Variants in TUFT1 observed in about 807,000 individuals in gnomAD.
The protein encoded by TUFT1 is tuftelin 1, also known as tuftelin.
A neutral mutation model predicts 57.8 loss-of-function variants in TUFT1; 43 were observed. The observed-to-expected ratio is 0.74, with a 90% confidence interval of 0.58 to 0.96. TUFT1 has a LOEUF of 0.96. Ranked by LOEUF, TUFT1 falls within the 40% of genes least tolerant of loss-of-function variation. The pLI is 0.00. For synonymous variants in TUFT1, 166 were observed against 176.7 expected (o/e 0.94, Z 0.48); for missense variants, 459 against 489.0 (o/e 0.94, Z 0.58).
intron 5 of TUFT1, among the ~76,000 whole-genome samples, chr1:151,565,271 C>T (rs1389955676): frequency 6.6e-6 from 1 of 152,196 alleles, no homozygotes; most frequent in African/African-American, 2.4e-5. Context: ...TTCAGTTTTT[C>T]CAAAACTCGA....
intron 9 of TUFT1, among the ~76,000 whole-genome samples, chr1:151,577,107 A>G (rs1666492363): frequency 2.0e-5 from 3 of 152,142 alleles, no homozygotes; most frequent in African/African-American, 7.2e-5. Flanking sequence ...ATGATAAAGG[A>G]TAATATAAAG....
chr1:151,578,921 T>A, intron 10 of TUFT1, 95 bp downstream of exon 10: 1 of 968,108 alleles, frequency 1.0e-6, no homozygotes, highest in Non-Finnish European at 1.5e-6. Context: ...ATTCATGCAT[T>A]TCCCATGTCA....
Position 151,557,929 on chromosome 1 carries a change from C to T in TUFT1, c.61-4162C>T, listed in dbSNP as rs1327350776. On this transcript the variant is annotated intron_variant, in intron 1 of 12. Coordinates refer to ENST00000368849, the MANE Select transcript of TUFT1 (RefSeq NM_020127.3). ...TGGATTTGGTTGAGGATGTGGTCAG[C>T]CACCTCAGTAAAATTGGAGAGGATT... 3 of 676,704 alleles carry T rather than the reference C, an allele frequency of 4.4e-6. 1 individual carries two copies. The highest frequency in any genetic ancestry group is 8.2e-6 in the Non-Finnish European group (3 of 363,894). The allele number at this position is 676,704 out of a possible 1,614,324, so 41.9% of individuals were successfully genotyped here.
intron 9 of TUFT1, among the ~76,000 whole-genome samples, 169 bp from the exon 10 acceptor site, chr1:151,578,552 C>T (rs1200399940): frequency 1.3e-5 from 2 of 152,086 alleles, no homozygotes; most frequent in Non-Finnish European, 2.9e-5. Context: ...TCAGTGCTTC[C>T]AATGTGATAT....
intron 1 of TUFT1, among the ~76,000 whole-genome samples, chr1:151,560,917 C>T (rs886313656): frequency 5.3e-5 from 8 of 151,536 alleles, no homozygotes; most frequent in Non-Finnish European, 1.2e-4. Flanking sequence ...CCTCCTACCA[C>T]GTTTTTCCTT....
At chr1:151,569,876 C>A in intron 7 of TUFT1, 106 bp downstream of exon 7, 1 of 924,548 alleles carries the variant, frequency 1.1e-6, no homozygotes, top group Non-Finnish European at 1.7e-6. Flanking sequence ...CTGAGTGCCA[C>A]AAACTGGAAA....
At chr1:151,555,666 A>G (rs1030037681) in intron 1 of TUFT1, among the ~76,000 whole-genome samples, 8 of 151,126 alleles carry the variant, frequency 5.3e-5, no homozygotes, top group African/African-American at 1.9e-4. Context: ...AGTCCCAGCT[A>G]CTTGGGAAGC....
intron 5 of TUFT1, 187 bp downstream of exon 5, chr1:151,564,801 T>TA (rs1406152704): frequency 9.2e-6 from 5 of 541,158 alleles, no homozygotes; most frequent in African/African-American, 5.7e-5. Flanking sequence ...GATGAGCACT[T>TA]ACATTTACAC....
Position 151,582,140 on chromosome 1 carries a change from T to A in TUFT1, c.*433T>A, listed in dbSNP as rs2102562361. On this transcript the variant is annotated 3_prime_UTR_variant, in exon 13 of 13. Coordinates refer to ENST00000368849, the MANE Select transcript of TUFT1 (RefSeq NM_020127.3). ...TGGAGAATGTCCTGGGGGAATGAAG[T>A]TCCTTCCACAAACACAGCTCAGTTC... 1 of 463,198 alleles carries A rather than the reference T, an allele frequency of 2.2e-6. No homozygotes were observed. The highest frequency in any genetic ancestry group is 3.2e-4 in the Middle Eastern group (1 of 3,112). The allele number at this position is 463,198 out of a possible 1,614,324, so 28.7% of individuals were successfully genotyped here. A position where few individuals can be genotyped will look rare whatever the true frequency, so the allele number is the denominator to read the frequency against.
At chr1:151,549,457 A>G (rs17640579) in intron 1 of TUFT1, among the ~76,000 whole-genome samples, 30,425 of 152,162 alleles carry the variant, frequency 0.2, 3,642 homozygotes, top group South Asian at 0.35. Context: ...GCTCCATTAG[A>G]CAATTTACCT....
In TUFT1 at chr1:151,581,056, T is replaced by C; in HGVS notation, c.1109+14T>C. ...GAACCCGGGCAGGTGAGTGAGCGTG[T>C]GTAGATAGAATGGGGCCAGGGAGGA... On this transcript the variant is annotated intron_variant, in intron 12 of 12. Transcript: ENST00000368849. The C allele has an allele frequency of 1.9e-6, 3 of 1,612,752 alleles. No homozygotes were observed. The highest frequency in any genetic ancestry group is 2.5e-6 in the Non-Finnish European group (3 of 1,179,036).
intron 1 of TUFT1, among the ~76,000 whole-genome samples, chr1:151,552,576 C>T (rs1394628049): frequency 3.3e-5 from 5 of 151,828 alleles, no homozygotes; most frequent in Admixed American, 6.6e-5. Context: ...TGGTGGGACA[C>T]GCCGGTAATC....
rs1665916947 is a variant in TUFT1, at chr1:151,562,140, ATGAACT to A, written c.116_121del (p.Leu39_Glu40del). The A allele has an allele frequency of 1.2e-6, 2 of 1,614,020 alleles. No individual in the cohort carries two copies. The highest frequency in any genetic ancestry group is 2.7e-5 in the African/African-American group (2 of 74,916). ...ACTCTCCAGGGTGAACTGACAGGAG[ATGAACT>A]TGAACACATAGCCCAGAAGGTACTG... On this transcript the variant is annotated inframe_deletion, in exon 2 of 13. Coordinates refer to ENST00000368849, the MANE Select transcript of TUFT1 (RefSeq NM_020127.3).
intron 9 of TUFT1, among the ~76,000 whole-genome samples, chr1:151,577,834 C>T (rs956297079): frequency 3.9e-5 from 6 of 151,992 alleles, no homozygotes; most frequent in African/African-American, 1.4e-4. Flanking sequence ...ATCAGCCTGG[C>T]CAACATGCTG....
chr1:151,549,934 C>A (rs1665456802), intron 1 of TUFT1, among the ~76,000 whole-genome samples: 1 of 152,190 alleles, frequency 6.6e-6, no homozygotes, highest in Non-Finnish European at 1.5e-5. Flanking sequence ...GTTGCCCAGG[C>A]TGGTCTCAAA....
At chr1:151,574,657 A>G (rs886520397) in intron 8 of TUFT1, among the ~76,000 whole-genome samples, 1 of 152,202 alleles carries the variant, frequency 6.6e-6, no homozygotes, top group Non-Finnish European at 1.5e-5. Context: ...AGGGACTGGC[A>G]GCCATAGCTG....
At chr1:151,550,108 T>C (rs1375957091) in intron 1 of TUFT1, among the ~76,000 whole-genome samples, 1 of 152,172 alleles carries the variant, frequency 6.6e-6, no homozygotes, top group Non-Finnish European at 1.5e-5. Flanking sequence ...CTTATCTCCC[T>C]GGGGCCTCTG....
chr1:151,556,368 C>T (rs61819522), intron 1 of TUFT1, among the ~76,000 whole-genome samples: 2,269 of 151,204 alleles, frequency 0.015, 34 homozygotes, highest in Non-Finnish European at 0.023. Flanking sequence ...CCCTGCCTTC[C>T]CTTCCCTTCC....
At chr1:151,541,392 G>A (rs563604954) in intron 1 of TUFT1, among the ~76,000 whole-genome samples, 17 of 152,126 alleles carry the variant, frequency 1.1e-4, no homozygotes, top group Non-Finnish European at 2.2e-4. Flanking sequence ...TTGTGGCTGA[G>A]TGTTTCTAGG....
Sources: allele counts gnomAD v4.1 joint callset (sites outside exome capture counted in the v4.1 genomes callset), GRCh38; gene constraint gnomAD v4.1.1; transcripts MANE v1.5; gene names NCBI Gene and HGNC (gene_info 2026-07-23, HGNC 2026-07-21).